The following NIPBL variants were observed in gnomAD, a reference collection of about 807,000 sequenced individuals.
The protein encoded by NIPBL is NIPBL cohesin loading factor.
NIPBL carries 19 observed loss-of-function variants against 321.8 expected under a neutral mutation model. The observed-to-expected ratio is 0.06, with a 90% CI of 0.04 to 0.09. The LOEUF is 0.09. Ranked by LOEUF, NIPBL falls within the 10% of genes least tolerant of loss-of-function variation. NIPBL has a pLI of 1.00. For synonymous variants in NIPBL, 1,106 were observed against 1,114.1 expected, an observed-to-expected ratio of 0.99 and a Z score of 0.14; for missense variants, 2,210 against 3,327.0, an observed-to-expected ratio of 0.66 and a Z score of 8.26.
Position 36,975,808 on chromosome 5 carries a change from T to C in NIPBL, c.901T>C (p.Ser301Pro). Residue 301 changes from serine to proline, a missense_variant, in exon 9 of 47, where the codon TCT becomes CCT. By Grantham distance (74) the Ser-to-Pro change is moderately conservative. Coordinates refer to ENST00000282516, the MANE Select transcript of NIPBL (RefSeq NM_133433.4). The part of the protein sequence containing the change: ...SRPPLILQSQ[S>P]LPCSSPRDVP... ...ACCACCTTTAATCCTACAATCTCAGTCTCTACCTTGTTCATCACCTCGAGA... is the reference window on the plus strand; with the variant it reads ...ACCACCTTTAATCCTACAATCTCAGCCTCTACCTTGTTCATCACCTCGAGA... 1 of 1,613,678 alleles carries C rather than the reference T, an allele frequency of 6.2e-7. No individual in the cohort carries two copies. The highest frequency in any genetic ancestry group is 1.3e-5 in the African/African-American group (1 of 75,024).
intron 1 of NIPBL, among the ~76,000 whole-genome samples, chr5:36,944,883 TA>T (rs1739493476): frequency 1.3e-5 from 2 of 152,190 alleles, no homozygotes; most frequent in African/African-American, 4.8e-5. Context: ...TATCATCACA[TA>T]TGTTTTGGTC....
At chr5:37,019,726 A>G (rs939713461) in intron 25 of NIPBL, among the ~76,000 whole-genome samples, 3 of 152,220 alleles carry the variant, frequency 2.0e-5, no homozygotes, top group African/African-American at 4.8e-5. Flanking sequence ...GAGATGATCT[A>G]TAAGCCTGTA....
chr5:37,026,819 T>G (rs1309691661), intron 31 of NIPBL, among the ~76,000 whole-genome samples: 1 of 151,894 alleles, frequency 6.6e-6, no homozygotes, highest in African/African-American at 2.4e-5. Context: ...AAGAGATCTT[T>G]GAACCAGGAG....
chr5:36,965,379 GA>G (rs1392765032), intron 6 of NIPBL, among the ~76,000 whole-genome samples: 2 of 152,112 alleles, frequency 1.3e-5, no homozygotes, highest in African/African-American at 4.8e-5. Flanking sequence ...CAGCAACATA[GA>G]GGGAACTAGA....
At chr5:37,008,901 A>G (rs764099847) in intron 20 of NIPBL, among the ~76,000 whole-genome samples, 178 bp downstream of exon 20, 22 of 152,234 alleles carry the variant, frequency 1.4e-4, no homozygotes, top group Non-Finnish European at 2.1e-4. Flanking sequence ...GGGGGCTTAG[A>G]AAACTTCACT....
At chr5:36,956,642 T>G (rs1740987756) in intron 3 of NIPBL, among the ~76,000 whole-genome samples, 2 of 133,624 alleles carry the variant, frequency 1.5e-5, no homozygotes, top group Non-Finnish European at 3.2e-5. Flanking sequence ...TTTTTTTTTT[T>G]GAGATGGAGT....
At chr5:37,024,782 C>A in intron 30 of NIPBL, 63 bp downstream of exon 30, 1 of 1,293,132 alleles carries the variant, frequency 7.7e-7, no homozygotes, top group Non-Finnish European at 1.1e-6. Flanking sequence ...ATGTTTATTG[C>A]ACCTAAATGT....
At chr5:36,952,053 T>TGTGTGTGTGTGTGTGTGCGTGCGC (rs778597604) in intron 1 of NIPBL, among the ~76,000 whole-genome samples, 11 of 112,114 alleles carry the variant, frequency 9.8e-5, no homozygotes, top group Admixed American at 6.2e-4. Flanking sequence ...TGTGTGTGTG[T>TGTGTGTGTGTGTGTGTGCGTGCGC]GCGCGCGCGC....
chr5:37,050,842 T>C (rs1329853779), intron 40 of NIPBL: 1 of 152,222 alleles, frequency 6.6e-6, no homozygotes, highest in Non-Finnish European at 1.5e-5. Flanking sequence ...CTCTTCTTTT[T>C]TTTTGAGGCA....
intron 8 of NIPBL, among the ~76,000 whole-genome samples, chr5:36,974,774 G>C (rs1743252211): frequency 6.6e-6 from 1 of 152,022 alleles, no homozygotes; most frequent in South Asian, 2.1e-4. Context: ...CATGGAAAAA[G>C]ACTGAAAGCT....
chr5:36,893,816 TGGA>T (rs1746524395), intron 1 of NIPBL, among the ~76,000 whole-genome samples: 1 of 152,128 alleles, frequency 6.6e-6, no homozygotes, highest in African/African-American at 2.4e-5. Context: ...TTCTGAAGAA[TGGA>T]GGAGGAGTTG....
chr5:36,966,702 A>G (rs1470935024), intron 6 of NIPBL, among the ~76,000 whole-genome samples: 2 of 152,080 alleles, frequency 1.3e-5, no homozygotes. Flanking sequence ...TTAAAATTTT[A>G]TCATTCTAAA....
At chr5:36,989,032 T>G (rs955360473) in intron 10 of NIPBL, among the ~76,000 whole-genome samples, 5 of 152,220 alleles carry the variant, frequency 3.3e-5, no homozygotes, top group Non-Finnish European at 5.9e-5. Flanking sequence ...TAATAAATCA[T>G]ATTTAATGCC....
chr5:36,900,427 C>T (rs1414150392), intron 1 of NIPBL, among the ~76,000 whole-genome samples: 8 of 152,124 alleles, frequency 5.3e-5, no homozygotes, highest in Admixed American at 1.3e-4. Context: ...CCAAAGGGGA[C>T]TGTCTAGCTA....
intron 1 of NIPBL, among the ~76,000 whole-genome samples, chr5:36,906,805 T>C (rs1160822467): frequency 6.6e-6 from 1 of 152,202 alleles, no homozygotes; most frequent in African/African-American, 2.4e-5. Context: ...AGATTTTAAA[T>C]ATTTTCTAGA....
At chr5:37,056,602 T>G (rs1301522599) in intron 42 of NIPBL, among the ~76,000 whole-genome samples, 1 of 152,186 alleles carries the variant, frequency 6.6e-6, no homozygotes, top group African/African-American at 2.4e-5. Flanking sequence ...CACAGGAAAC[T>G]GACAAATGTT....
intron 11 of NIPBL, among the ~76,000 whole-genome samples, chr5:36,997,330 T>C (rs1393620043): frequency 6.6e-6 from 1 of 152,166 alleles, no homozygotes; most frequent in Non-Finnish European, 1.5e-5. Flanking sequence ...CTGCCTCCAT[T>C]ACTAAATTGC....
At chr5:36,893,201 A>G (rs959637373) in intron 1 of NIPBL, among the ~76,000 whole-genome samples, 2 of 152,212 alleles carry the variant, frequency 1.3e-5, no homozygotes, top group African/African-American at 2.4e-5. Flanking sequence ...ATACACTATA[A>G]TGAAATCTTG....
intron 1 of NIPBL, among the ~76,000 whole-genome samples, chr5:36,889,482 C>T (rs373686631): frequency 4.6e-5 from 7 of 152,154 alleles, no homozygotes; most frequent in African/African-American, 1.7e-4. Context: ...TTTCCAATTA[C>T]TCATGTTTCT....
Sources: allele counts gnomAD v4.1 joint callset (sites outside exome capture counted in the v4.1 genomes callset), GRCh38; gene constraint gnomAD v4.1.1; transcripts MANE v1.5; gene names NCBI Gene and HGNC (gene_info 2026-07-23, HGNC 2026-07-21).